CSMD1: variants seen among roughly 807,000 people sequenced by gnomAD.
CSMD1 encodes CUB and sushi domain-containing protein 1.
A neutral mutation model predicts 417.5 loss-of-function variants in CSMD1; 213 were observed. The observed-to-expected ratio is 0.51, with a 90% confidence interval of 0.46 to 0.57. CSMD1 has a LOEUF of 0.57. Ranked by LOEUF, CSMD1 falls within the 20% of genes least tolerant of loss-of-function variation. The pLI, the probability that CSMD1 is intolerant of heterozygous loss-of-function variation, is 0.00. For missense variants in CSMD1, 6,923 were observed against 4,529.7 expected (o/e 1.53, Z -15.17); for synonymous variants, 2,862 against 1,736.8 (o/e 1.65, Z -16.11).
intron 3 of CSMD1, among the ~76,000 whole-genome samples, chr8:4,417,900 A>G (rs1216802122): frequency 6.6e-6 from 1 of 152,064 alleles, no homozygotes; most frequent in Non-Finnish European, 1.5e-5. Flanking sequence ...TCTAAAGTTT[A>G]TGTGTAAAGT....
chr8:4,182,337 C>A (rs550246668), intron 3 of CSMD1, among the ~76,000 whole-genome samples: 50 of 152,160 alleles, frequency 3.3e-4, no homozygotes, highest in Non-Finnish European at 6.5e-4. Context: ...TTCTTGTAAT[C>A]CCCAATACAC....
intron 5 of CSMD1, among the ~76,000 whole-genome samples, chr8:3,922,318 A>C (rs112084592): frequency 0.012 from 1,793 of 152,160 alleles, 23 homozygotes; most frequent in African/African-American, 0.039. Context: ...GATCTTATTT[A>C]TGTCAATTCA....
At chr8:4,873,748 T>C (rs145414370) in intron 1 of CSMD1, among the ~76,000 whole-genome samples, 2 of 152,192 alleles carry the variant, frequency 1.3e-5, no homozygotes, top group Admixed American at 6.5e-5. Context: ...CCTTGAAAAA[T>C]ATGTAGCACC....
At chr8:3,641,290 C>T (rs1399233442) in intron 7 of CSMD1, among the ~76,000 whole-genome samples, 1 of 152,092 alleles carries the variant, frequency 6.6e-6, no homozygotes, top group African/African-American at 2.4e-5. Context: ...TGATTCCCAG[C>T]CTCCTGTGCA....
At chr8:2,982,654 C>A (rs1387089769) in intron 54 of CSMD1, among the ~76,000 whole-genome samples, 1 of 152,198 alleles carries the variant, frequency 6.6e-6, no homozygotes, top group African/African-American at 2.4e-5. Context: ...GCGGCTCCAC[C>A]TCCAGGAGCT....
chr8:4,270,769 C>G (rs1804536430), intron 3 of CSMD1, among the ~76,000 whole-genome samples: 2 of 152,204 alleles, frequency 1.3e-5, no homozygotes, highest in African/African-American at 2.4e-5. Flanking sequence ...ACCTGCACGG[C>G]ACCCCCCAGG....
intron 3 of CSMD1, among the ~76,000 whole-genome samples, chr8:4,152,426 C>A (rs1252245849): frequency 2.6e-5 from 4 of 152,046 alleles, no homozygotes; most frequent in Non-Finnish European, 4.4e-5. Context: ...CACCTGTAAT[C>A]CCAGCAATTT....
chr8:3,259,429 A>C (rs1037280239), intron 26 of CSMD1, among the ~76,000 whole-genome samples: 3 of 152,006 alleles, frequency 2.0e-5, no homozygotes, highest in Non-Finnish European at 4.4e-5. Flanking sequence ...TGAATGAGTG[A>C]ATGAATGAAT....
rs1468157017 is a variant in CSMD1 at position 4,484,155 on chromosome 8, G to A, written c.303-64090C>T. Among the ~76,000 whole-genome samples the A allele has an allele frequency of 1.4e-4, 21 of 150,318 alleles. 1 individual carries two copies. Among genetic ancestry groups the A allele is most frequent in the African/African-American group, 3.2e-4 (13 of 40,752 alleles). ...AAGGCTAGAAGGATTTGTGGAGGCC[G>A]CTTCCCTTATCAGTGGAGTGATTGG... On this transcript the variant is annotated intron_variant, in intron 2 of 69. Transcript: ENST00000635120.
chr8:3,053,688 C>T (rs1038099643), intron 49 of CSMD1, among the ~76,000 whole-genome samples: 2 of 152,102 alleles, frequency 1.3e-5, no homozygotes, highest in Non-Finnish European at 2.9e-5. Context: ...CTTAAATTTG[C>T]TATGTCTGAT....
intron 3 of CSMD1, among the ~76,000 whole-genome samples, chr8:4,169,564 A>G (rs1448558419): frequency 6.6e-6 from 1 of 151,980 alleles, no homozygotes; most frequent in Non-Finnish European, 1.5e-5. Flanking sequence ...CTTTTCTCAT[A>G]TTTTGCTCTT....
chr8:4,570,963 G>C (rs984364539), intron 2 of CSMD1, among the ~76,000 whole-genome samples: 1 of 152,172 alleles, frequency 6.6e-6, no homozygotes, highest in Middle Eastern at 3.4e-3. Flanking sequence ...GTGGTACTTT[G>C]TATTTCTGTG....
In CSMD1 at chr8:4,872,484, G is replaced by A. The variant is rs189853659; in HGVS notation, c.85+121848C>T. ...CCATCACTCAGCACTCCTTCCTGCCGCCTTCTGAAGAAGGCACCTGGTTCC... is the reference window on the plus strand; with the variant it reads ...CCATCACTCAGCACTCCTTCCTGCCACCTTCTGAAGAAGGCACCTGGTTCC... On this transcript the variant is annotated intron_variant, in intron 1 of 69. Transcript: ENST00000635120. 1.7e-3 allele frequency among the ~76,000 whole-genome samples: 259 copies of A among 152,048 alleles called. 1 individual carries two copies. Among genetic ancestry groups the A allele is most frequent in the Non-Finnish European group, 2.9e-3 (195 of 68,010 alleles).
intron 1 of CSMD1, among the ~76,000 whole-genome samples, chr8:4,661,664 TC>T (rs1804616108): frequency 6.6e-6 from 1 of 152,182 alleles, no homozygotes; most frequent in Non-Finnish European, 1.5e-5. Flanking sequence ...AAGATATCTC[TC>T]CGTATTATTG....
At chr8:4,193,607 C>T (rs114672138) in intron 3 of CSMD1, among the ~76,000 whole-genome samples, 1 of 152,100 alleles carries the variant, frequency 6.6e-6, no homozygotes, top group African/African-American at 2.4e-5. Context: ...ACCGGGCCCT[C>T]TGAGGAGCCA....
intron 3 of CSMD1, among the ~76,000 whole-genome samples, chr8:4,209,937 G>C (rs1190991399): frequency 1.3e-5 from 2 of 152,216 alleles, no homozygotes; most frequent in African/African-American, 4.8e-5. Context: ...TCTGGGTGTT[G>C]CTATGACAAT....
chr8:2,973,781 T>A (rs1184563331), intron 56 of CSMD1, among the ~76,000 whole-genome samples: 1 of 152,176 alleles, frequency 6.6e-6, no homozygotes, highest in Non-Finnish European at 1.5e-5. Context: ...AAGATAATGT[T>A]TTTTTTCTTC....
intron 3 of CSMD1, among the ~76,000 whole-genome samples, chr8:4,182,178 G>C (rs34202826): frequency 0.29 from 44,295 of 151,832 alleles, 6,702 homozygotes; most frequent in South Asian, 0.41. Flanking sequence ...AGACCTATTA[G>C]TTTTCTGATT....
intron 25 of CSMD1, among the ~76,000 whole-genome samples, chr8:3,294,008 T>C (rs1803773972): frequency 7.5e-6 from 1 of 133,784 alleles, no homozygotes. Context: ...GGTTTTGGTG[T>C]GGATGTCCTT....
Sources: allele counts gnomAD v4.1 joint callset (sites outside exome capture counted in the v4.1 genomes callset), GRCh38; gene constraint gnomAD v4.1.1; transcripts MANE v1.5; gene names NCBI Gene and HGNC (gene_info 2026-07-23, HGNC 2026-07-21).